RDX: variants seen among roughly 807,000 people sequenced by gnomAD.
RDX encodes deafness, autosomal recessive 24.
RDX carries 32 observed loss-of-function variants against 83.7 expected under a neutral mutation model. The ratio of observed to expected loss-of-function variants is 0.38; its 90% CI spans 0.29 to 0.51. The LOEUF is 0.51. Among genes scored for constraint, RDX ranks in the 20% least tolerant of loss-of-function variants. The probability of loss-of-function intolerance (pLI) is 0.87; values close to 1 mark genes in which losing one functional copy is unlikely to be tolerated. For synonymous variants in RDX, 229 were observed against 222.7 expected (o/e 1.03, Z -0.25); for missense variants, 600 against 689.9 (o/e 0.87, Z 1.46).
chr11:110,260,535 G>A lies in RDX; in HGVS notation c.468-2346C>T, dbSNP rs117608399. The stretch of plus-strand genomic sequence containing the variant: ...TGGCTCACTGCAACCTCCGCCTCCC[G>A]GGTTCCAGTGATTCTCAGGTCTCAG... On this transcript the variant is annotated intron_variant, in intron 5 of 13. Transcript: ENST00000645495. Among the ~76,000 whole-genome samples, 145 of 152,260 alleles carry A rather than the reference G, an allele frequency of 9.5e-4. 2 individuals are homozygous for A. In the East Asian group the frequency reaches 0.025, roughly 27 times the overall value.
intron 14 of RDX, chr11:110,199,694 T>C (rs1254329339): frequency 1.4e-6 from 1 of 702,860 alleles, no homozygotes; most frequent in Non-Finnish European, 2.6e-6. Flanking sequence ...AAAAGAGACA[T>C]TAAGAGATTA....
intron 3 of RDX, among the ~76,000 whole-genome samples, chr11:110,265,115 T>TG (rs1292053300): frequency 1.8e-5 from 1 of 56,332 alleles, no homozygotes; most frequent in Non-Finnish European, 4.1e-5. Context: ...TTTTGTTTTT[T>TG]TTTTTTTTGT....
intron 9 of RDX, among the ~76,000 whole-genome samples, chr11:110,250,320 A>G (rs761323427): frequency 1.3e-5 from 2 of 152,202 alleles, no homozygotes; most frequent in Non-Finnish European, 2.9e-5. Flanking sequence ...ATTCTTGTCC[A>G]TGCCAGGTTG....
chr11:110,281,938 C>CAAAAAAAA (rs750336725), intron 1 of RDX, among the ~76,000 whole-genome samples: 2 of 91,250 alleles, frequency 2.2e-5, no homozygotes, highest in African/African-American at 4.0e-5. Flanking sequence ...CCATCTCTAT[C>CAAAAAAAA]AAAAAAAAAA....
intron 15 of RDX, among the ~76,000 whole-genome samples, chr11:110,186,516 A>G (rs1291380193): frequency 6.6e-6 from 1 of 152,078 alleles, no homozygotes; most frequent in East Asian, 1.9e-4. Context: ...ATAAAGATCA[A>G]TTCTGTGAGC....
chr11:110,177,268 T>G (rs1202248685), intron 15 of RDX, among the ~76,000 whole-genome samples: 1 of 152,170 alleles, frequency 6.6e-6, no homozygotes, highest in African/African-American at 2.4e-5. Context: ...TGGGAAGTGG[T>G]GAGGTGGTGG....
intron 15 of RDX, among the ~76,000 whole-genome samples, chr11:110,188,855 T>C (rs947565250): frequency 1.3e-5 from 2 of 152,118 alleles, no homozygotes; most frequent in African/African-American, 2.4e-5. Flanking sequence ...AAGGGTGTTC[T>C]AAACATGGAA....
In RDX at chr11:110,272,935, G is replaced by T. The variant is rs1199081912; in HGVS notation, c.13-316C>A. 6.4e-6 allele frequency: 3 copies of T among 465,216 alleles called. No homozygotes were observed. The Admixed American group carries it at 7.0e-5, about 11-fold the overall frequency. 28.8% of individuals were successfully genotyped at this position (465,216 alleles called of 1,614,324 possible). On this transcript the variant is annotated intron_variant, in intron 2 of 13. Coordinates refer to ENST00000645495, the MANE Select transcript of RDX (RefSeq NM_002906.4). The stretch of plus-strand genomic sequence containing the variant: ...CCTAAGGACACGTGGATATTAAAAG[G>T]CAGAGCAAGAGCTGGACATGGTGCC...
intron 14 of RDX, among the ~76,000 whole-genome samples, chr11:110,201,829 G>A (rs376659449): frequency 6.7e-4 from 102 of 151,956 alleles, no homozygotes; most frequent in African/African-American, 2.4e-3. Flanking sequence ...TCTGCCTCCA[G>A]GATTCCAGCG....
chr11:110,283,206 T>G (rs186646057), intron 1 of RDX, among the ~76,000 whole-genome samples: 40 of 152,204 alleles, frequency 2.6e-4, no homozygotes, highest in African/African-American at 8.4e-4. Flanking sequence ...CAGGCTGGAG[T>G]GCAGTGGCGC....
chr11:110,292,967 ACTTCAT>A (rs1194589615), intron 1 of RDX, among the ~76,000 whole-genome samples: 2 of 152,210 alleles, frequency 1.3e-5, no homozygotes, highest in Non-Finnish European at 2.9e-5. Context: ...CAAAAAGTAA[ACTTCAT>A]CTTCAATCAT....
chr11:110,257,256 A>C (rs904489694), intron 7 of RDX, among the ~76,000 whole-genome samples: 1 of 151,928 alleles, frequency 6.6e-6, no homozygotes, highest in African/African-American at 2.4e-5. Flanking sequence ...TACAGTGTTC[A>C]ATATGTGTAA....
At chr11:110,190,140 T>G (rs1251541984) in intron 15 of RDX, among the ~76,000 whole-genome samples, 1 of 152,136 alleles carries the variant, frequency 6.6e-6, no homozygotes, top group African/African-American at 2.4e-5. Flanking sequence ...AAAATTTCTG[T>G]GATGCAACAA....
chr11:110,217,248 G>C (rs1399533149), intron 14 of RDX, among the ~76,000 whole-genome samples: 1 of 152,136 alleles, frequency 6.6e-6, no homozygotes, highest in East Asian at 1.9e-4. Flanking sequence ...ATATAAAATT[G>C]CTGTTTTTAC....
At chr11:110,262,683 A>G (rs1334833985) in intron 5 of RDX, among the ~76,000 whole-genome samples, 3 of 152,228 alleles carry the variant, frequency 2.0e-5, no homozygotes, top group Non-Finnish European at 4.4e-5. Flanking sequence ...CTTGACAATT[A>G]AAACTGTAAA....
rs962487416 is a variant in RDX at position 110,247,872 on chromosome 11, C to A, written c.960-39G>T. 2.0e-6 allele frequency: 3 copies of A among 1,532,838 alleles called. No individual in the cohort carries two copies. In the African/African-American group the frequency reaches 4.1e-5, roughly 21 times the overall value. The allele number at this position is 1,532,838 out of a possible 1,614,324, so 95.0% of individuals were successfully genotyped here. A position where few individuals can be genotyped will look rare whatever the true frequency, so the allele number is the denominator to read the frequency against. ...GCAATTGCTGTTACAAATTAATACA[C>A]AAAAATATTATTCATGTGATGGAAT... On this transcript the variant is annotated intron_variant, in intron 9 of 13. Coordinates refer to ENST00000645495, the MANE Select transcript of RDX (RefSeq NM_002906.4).
intron 1 of RDX, among the ~76,000 whole-genome samples, chr11:110,289,688 G>T (rs371724194): frequency 1.3e-5 from 2 of 152,012 alleles, no homozygotes; most frequent in Non-Finnish European, 2.9e-5. Context: ...AAGCCAAGGC[G>T]GGTGAATCAC....
intron 15 of RDX, among the ~76,000 whole-genome samples, chr11:110,197,684 G>C (rs1474537119): frequency 6.6e-6 from 1 of 152,180 alleles, no homozygotes; most frequent in Non-Finnish European, 1.5e-5. Flanking sequence ...TTTACGAGTT[G>C]ACAAAATGGA....
chr11:110,202,595 C>CTTT lies in RDX; in HGVS notation c.1749-2920_1749-2918dup, dbSNP rs58793509. On this transcript the variant is annotated intron_variant, in intron 14 of 15. Transcript: ENST00000528498. ...CACTACACCTGGCTAATTTTTCTTT[C>CTTT]TTTTTTTTTTTTTTTTTTGGTTGGG... is the stretch of plus-strand genomic sequence containing the variant. 1.2e-4 allele frequency among the ~76,000 whole-genome samples: 14 copies of CTTT among 121,290 alleles called. No homozygotes were observed. The East Asian group carries it at 2.1e-3, about 18-fold the overall frequency. 79.6% of individuals were successfully genotyped at this position (121,290 alleles called of 152,430 possible).
Sources: gnomAD v4.1 joint callset for allele counts (sites outside exome capture counted in the v4.1 genomes callset) on GRCh38, gnomAD v4.1.1 for gene constraint, MANE v1.5 for transcripts, NCBI Gene and HGNC (gene_info 2026-07-23, HGNC 2026-07-21) for gene names.